The following TPD52L1 variants were observed in gnomAD, a reference collection of about 807,000 sequenced individuals.
TPD52L1 encodes TPD52 like 1, also known as tumor protein D53.
Under a neutral mutation model 28.7 loss-of-function variants are expected in TPD52L1, and 18 were observed. The ratio of observed to expected loss-of-function variants is 0.63; its 90% confidence interval spans 0.43 to 0.93. TPD52L1 has a LOEUF of 0.93. TPD52L1 is among the 40% of genes least tolerant of loss of function. The pLI, the probability that TPD52L1 is intolerant of heterozygous loss-of-function variation, is 0.00. For synonymous variants in TPD52L1, 75 were observed against 88.8 expected (o/e 0.84, Z 0.88); for missense variants, 203 against 254.8 (o/e 0.80, Z 1.39).
chr6:125,253,755 G>A lies in TPD52L1; in HGVS notation c.425G>A (p.Arg142Lys), dbSNP rs773613883. The change falls in exon 5 of 7, where the codon AGG becomes AAG. Residue 142 changes from arginine (R) to lysine (K), a missense_variant and splice_region_variant. Arg to Lys is a conservative substitution (Grantham distance 26). Coordinates refer to ENST00000534000, the MANE Select transcript of TPD52L1 (RefSeq NM_003287.4). ...CATTCCATAAGTATGCCTGCTATGA[G>A]GTAATGTGTGTAAAATATTTTATGT... ...IRHSISMPAMRNSPTFKSFEE... is the reference protein window; with the variant it reads ...IRHSISMPAMKNSPTFKSFEE... 10 of 1,610,236 alleles carry A rather than the reference G, an allele frequency of 6.2e-6. No individual in the cohort carries two copies. In the African/African-American group the frequency reaches 1.1e-4, roughly 17 times the overall value.
intron 1 of TPD52L1, among the ~76,000 whole-genome samples, chr6:125,196,941 T>G (rs1362806514): frequency 1.3e-5 from 2 of 152,116 alleles, no homozygotes; most frequent in Non-Finnish European, 2.9e-5. Flanking sequence ...AAAAAGAAAA[T>G]AAAAGAAAAA....
At chr6:125,204,558 C>A (rs1056923504) in intron 1 of TPD52L1, among the ~76,000 whole-genome samples, 1 of 152,110 alleles carries the variant, frequency 6.6e-6, no homozygotes, top group Non-Finnish European at 1.5e-5. Context: ...CGGCTCACTG[C>A]AAGCTCCGCC....
chr6:125,245,301 A>T (rs1056870649), intron 3 of TPD52L1, among the ~76,000 whole-genome samples: 29 of 152,178 alleles, frequency 1.9e-4, no homozygotes, highest in African/African-American at 7.0e-4. Context: ...GATCAGGGTT[A>T]TTCTGTCATG....
intron 6 of TPD52L1, chr6:125,261,821 A>G (rs1243205233): frequency 6.6e-6 from 1 of 152,202 alleles, no homozygotes; most frequent in Non-Finnish European, 1.5e-5. Context: ...ACAAATACAC[A>G]AGAAAAAAGC....
intron 1 of TPD52L1, among the ~76,000 whole-genome samples, chr6:125,213,269 A>G (rs1259816570): frequency 6.6e-6 from 1 of 152,138 alleles, no homozygotes; most frequent in Non-Finnish European, 1.5e-5. Flanking sequence ...CTTCTAGTTC[A>G]GATTTCTCCT....
chr6:125,212,202 AT>A (rs1393353686), intron 1 of TPD52L1, among the ~76,000 whole-genome samples: 6 of 152,132 alleles, frequency 3.9e-5, no homozygotes, highest in Non-Finnish European at 8.8e-5. Context: ...AACATGGAAA[AT>A]TTTCATATAA....
At chr6:125,253,692 C>T (rs1265841602) in intron 4 of TPD52L1, 25 bp from the exon 5 acceptor site, 1 of 1,609,654 alleles carries the variant, frequency 6.2e-7, no homozygotes, top group Non-Finnish European at 8.5e-7. Flanking sequence ...TCTTTTTTCC[C>T]CTTTAATCTG....
intron 1 of TPD52L1, among the ~76,000 whole-genome samples, chr6:125,179,653 G>A (rs1380955227): frequency 6.6e-6 from 1 of 152,164 alleles, no homozygotes; most frequent in Non-Finnish European, 1.5e-5. Flanking sequence ...TATCATGCCT[G>A]TTGTATATTC....
In TPD52L1 at chr6:125,263,024, C is replaced by T. The variant is rs1444477317; in HGVS notation, c.*62C>T. 34 of 1,524,932 alleles carry T rather than the reference C, an allele frequency of 2.2e-5. No homozygotes were observed. Among genetic ancestry groups the T allele is most frequent in the Non-Finnish European group, 2.7e-5 (31 of 1,137,588 alleles). The allele number at this position is 1,524,932 out of a possible 1,614,324, so 94.5% of individuals were successfully genotyped here. ...ACTACCCAGCCCATCTCTGCCTGTG[C>T]TTATCCAGATAAGAAGACCAAAATC... On this transcript the variant is annotated 3_prime_UTR_variant, in exon 7 of 7. Transcript: ENST00000534000.
At chr6:125,219,452 T>C (rs1795085829) in intron 1 of TPD52L1, among the ~76,000 whole-genome samples, 2 of 152,164 alleles carry the variant, frequency 1.3e-5, no homozygotes, top group South Asian at 4.1e-4. Flanking sequence ...GAAAAAAGGC[T>C]TCATATTTTA....
Position 125,229,277 on chromosome 6 carries a change from T to C in TPD52L1, c.284+11T>C, listed in dbSNP as rs770370951. On this transcript the variant is annotated intron_variant, in intron 3 of 6. Coordinates refer to ENST00000534000, the MANE Select transcript of TPD52L1 (RefSeq NM_003287.4). Reference sequence around the variant, plus strand: ...GCAGACTACCACTGCGTAAGTATCATATGAACAGTGTTTTATTAACTCAGC... The same window carrying C: ...GCAGACTACCACTGCGTAAGTATCACATGAACAGTGTTTTATTAACTCAGC... 214 of 1,602,324 alleles carry C rather than the reference T, an allele frequency of 1.3e-4. No individual in the cohort carries two copies. The highest frequency in any genetic ancestry group is 1.7e-4 in the Non-Finnish European group (195 of 1,175,692).
chr6:125,165,477 C>T (rs983762471), intron 1 of TPD52L1, among the ~76,000 whole-genome samples: 3 of 152,044 alleles, frequency 2.0e-5, no homozygotes, highest in South Asian at 2.1e-4. Flanking sequence ...AGAATAAAAC[C>T]ACAAATCTCC....
chr6:125,173,214 T>C (rs550658372), intron 1 of TPD52L1, among the ~76,000 whole-genome samples: 4 of 152,332 alleles, frequency 2.6e-5, no homozygotes, highest in African/African-American at 9.6e-5. Flanking sequence ...CAACTTCCTA[T>C]AAATCTGTGC....
chr6:125,215,783 GT>G (rs3839549), intron 1 of TPD52L1, among the ~76,000 whole-genome samples: 37,730 of 152,110 alleles, frequency 0.25, 5,410 homozygotes, highest in Admixed American at 0.39. Flanking sequence ...GTTAAACAGG[GT>G]TTTGAACTTT....
At chr6:125,172,080 CTCTTTCTT>C (rs140483517) in intron 1 of TPD52L1, among the ~76,000 whole-genome samples, 6 of 92,322 alleles carry the variant, frequency 6.5e-5, no homozygotes, top group African/African-American at 3.7e-4. Context: ...TTCTTTCTTT[CTCTTTCTT>C]TCTTTCTTTC....
intron 3 of TPD52L1, among the ~76,000 whole-genome samples, chr6:125,229,537 G>T (rs994791016): frequency 3.3e-5 from 5 of 151,986 alleles, no homozygotes; most frequent in Admixed American, 6.6e-5. Flanking sequence ...TTGTTTAAAT[G>T]TTTTTCTCTT....
At chr6:125,203,917 C>G in intron 1 of TPD52L1, 1 of 463,808 alleles carries the variant, frequency 2.2e-6, no homozygotes, top group Non-Finnish European at 2.8e-6. Flanking sequence ...CTGTCTTTTA[C>G]TGATATATTC....
At chr6:125,228,701 T>G (rs377677442) in intron 2 of TPD52L1, among the ~76,000 whole-genome samples, 3 of 152,218 alleles carry the variant, frequency 2.0e-5, no homozygotes, top group South Asian at 4.1e-4. Context: ...AAAGTGGCAC[T>G]TGAGAAGAAG....
At chr6:125,249,915 T>C (rs1202414633) in intron 4 of TPD52L1, among the ~76,000 whole-genome samples, 2 of 152,082 alleles carry the variant, frequency 1.3e-5, no homozygotes, top group Non-Finnish European at 2.9e-5. Context: ...TTTTTACTAA[T>C]GCCACAATAA....
Sources: allele counts gnomAD v4.1 joint callset (sites outside exome capture counted in the v4.1 genomes callset), GRCh38; gene constraint gnomAD v4.1.1; transcripts MANE v1.5; gene names NCBI Gene and HGNC (gene_info 2026-07-23, HGNC 2026-07-21).